Variants in CYB5R4 observed in about 807,000 individuals in gnomAD.
CYB5R4 encodes cytochrome b5 reductase 4, also known as N-terminal cytochrome b5 and cytochrome b5 oxidoreductase domain-containing protein.
Under a neutral mutation model 70.2 loss-of-function variants are expected in CYB5R4, and 55 were observed. That is an observed-to-expected ratio of 0.78 (90% confidence interval 0.63 to 0.98). The LOEUF is 0.98. Ranked by LOEUF, CYB5R4 falls within the 50% of genes least tolerant of loss-of-function variation. CYB5R4 has a pLI of 0.00. For missense variants in CYB5R4, 562 were observed against 612.6 expected (o/e 0.92, Z 0.87); for synonymous variants, 197 against 199.5 (o/e 0.99, Z 0.11).
intron 3 of CYB5R4, among the ~76,000 whole-genome samples, chr6:83,906,102 G>A (rs967045434): frequency 2.0e-5 from 3 of 152,172 alleles, no homozygotes; most frequent in Non-Finnish European, 4.4e-5. Flanking sequence ...GAATGCTCAG[G>A]TGGAGGGAGA....
At chr6:83,893,967 C>T (rs1035955191) in intron 3 of CYB5R4, among the ~76,000 whole-genome samples, 8 of 152,188 alleles carry the variant, frequency 5.3e-5, no homozygotes, top group African/African-American at 1.9e-4. Context: ...CCGCTGCTAA[C>T]TTGCTGAATC....
Position 83,884,632 on chromosome 6 carries a change from TTA to T in CYB5R4, c.230-8889_230-8888del, listed in dbSNP as rs1201955082. Reference sequence around the variant, plus strand: ...GTAATTACAATAATGTGCAATTTCATTACTGAACACAAGATGGCAAAGTAGTC... The same window carrying T: ...GTAATTACAATAATGTGCAATTTCATCTGAACACAAGATGGCAAAGTAGTC... On this transcript the variant is annotated intron_variant, in intron 2 of 15. Transcript: ENST00000369681. 2.0e-5 allele frequency among the ~76,000 whole-genome samples: 3 copies of T among 152,130 alleles called. No homozygotes were observed. In the East Asian group the frequency reaches 5.8e-4, roughly 29 times the overall value.
chr6:83,891,964 A>G (rs144291300), intron 2 of CYB5R4, among the ~76,000 whole-genome samples: 3 of 152,308 alleles, frequency 2.0e-5, no homozygotes, highest in East Asian at 1.9e-4. Flanking sequence ...TTGATTGTAG[A>G]GAAAGTTTGG....
At chr6:83,896,482 C>T (rs1009910700) in intron 3 of CYB5R4, among the ~76,000 whole-genome samples, 7 of 152,142 alleles carry the variant, frequency 4.6e-5, no homozygotes, top group Admixed American at 3.9e-4. Flanking sequence ...TCAATGAGAT[C>T]AAATTTTGTA....
At chr6:83,952,669 T>A (rs536665718) in intron 14 of CYB5R4, among the ~76,000 whole-genome samples, 167 of 152,306 alleles carry the variant, frequency 1.1e-3, no homozygotes, top group African/African-American at 3.7e-3. Flanking sequence ...GGAATCTTAA[T>A]AGTTATCATT....
intron 5 of CYB5R4, among the ~76,000 whole-genome samples, chr6:83,917,006 A>G (rs1425831664): frequency 6.6e-6 from 1 of 152,166 alleles, no homozygotes; most frequent in Non-Finnish European, 1.5e-5. Context: ...TTTCCAAACT[A>G]AATCTTACCA....
intron 6 of CYB5R4, among the ~76,000 whole-genome samples, chr6:83,918,787 A>G (rs990053746): frequency 1.6e-4 from 24 of 152,040 alleles, no homozygotes; most frequent in Admixed American, 4.6e-4. Context: ...CCACCAGTCT[A>G]TATTATTCTA....
intron 4 of CYB5R4, 79 bp downstream of exon 4, chr6:83,909,169 G>T: frequency 8.6e-7 from 1 of 1,160,864 alleles, no homozygotes; most frequent in South Asian, 1.3e-5. Context: ...AAACAACTAG[G>T]TCTATACAAA....
intron 1 of CYB5R4, among the ~76,000 whole-genome samples, chr6:83,860,428 C>G (rs150588707): frequency 2.6e-5 from 4 of 152,270 alleles, no homozygotes; most frequent in Non-Finnish European, 4.4e-5. Context: ...ATTGCCTTTT[C>G]TACTAGTATC....
intron 3 of CYB5R4, among the ~76,000 whole-genome samples, chr6:83,904,207 T>C (rs2099463415): frequency 6.6e-6 from 1 of 152,174 alleles, no homozygotes; most frequent in South Asian, 2.1e-4. Context: ...GATACTGCTT[T>C]TGCTATTCCA....
At chr6:83,949,971 G>A (rs533193845) in intron 14 of CYB5R4, among the ~76,000 whole-genome samples, 60 of 152,208 alleles carry the variant, frequency 3.9e-4, no homozygotes, top group Non-Finnish European at 6.8e-4. Context: ...CGTAAAATAT[G>A]TGTAACATCT....
intron 2 of CYB5R4, among the ~76,000 whole-genome samples, chr6:83,888,045 T>C (rs972014321): frequency 1.3e-5 from 2 of 152,214 alleles, no homozygotes; most frequent in African/African-American, 4.8e-5. Flanking sequence ...AATAGCCTAG[T>C]ATCAATTTGA....
At chr6:83,886,582 T>C (rs549845081) in intron 2 of CYB5R4, among the ~76,000 whole-genome samples, 1 of 152,264 alleles carries the variant, frequency 6.6e-6, no homozygotes, top group East Asian at 1.9e-4. Flanking sequence ...AATATGCAAA[T>C]CTATAGAGAC....
At chr6:83,882,925 G>A (rs1285638183) in intron 2 of CYB5R4, among the ~76,000 whole-genome samples, 1 of 152,142 alleles carries the variant, frequency 6.6e-6, no homozygotes, top group Non-Finnish European at 1.5e-5. Flanking sequence ...AGTGAGCCGA[G>A]ATTGCACCAC....
intron 9 of CYB5R4, among the ~76,000 whole-genome samples, chr6:83,924,055 G>A (rs1489924665): frequency 1.4e-4 from 15 of 107,960 alleles, no homozygotes; most frequent in Non-Finnish European, 2.2e-4. Flanking sequence ...GGGTGACAGA[G>A]CAAGACTCCG....
In CYB5R4 at chr6:83,936,116, A is replaced by G. The variant is rs2129142447; in HGVS notation, c.956-108A>G. 3 of 685,190 alleles carry G rather than the reference A, an allele frequency of 4.4e-6. No homozygotes were observed. The South Asian group carries it at 6.7e-5, about 15-fold the overall frequency. The allele number at this position is 685,190 out of a possible 1,614,324, so 42.4% of individuals were successfully genotyped here. A position where few individuals can be genotyped will look rare whatever the true frequency, so the allele number is the denominator to read the frequency against. Reference sequence around the variant, plus strand: ...AATTAGAATTATATGCCCATTAGGTATATAGTTTTAAATATATACTGATAG... The same window carrying G: ...AATTAGAATTATATGCCCATTAGGTGTATAGTTTTAAATATATACTGATAG... On this transcript the variant is annotated intron_variant, in intron 11 of 15. Transcript: ENST00000369681.
rs754325270 is a variant in CYB5R4, at chr6:83,914,454, T to A, written c.445+6T>A. ...GGAAAAGAAAGTCTTAAATGGTAAG[T>A]CTATAAATTTATAATAAATGAATCA... On this transcript the variant is annotated splice_donor_region_variant and intron_variant, in intron 5 of 15. Coordinates refer to ENST00000369681, the MANE Select transcript of CYB5R4 (RefSeq NM_016230.4). The A allele has an allele frequency of 6.6e-7, 1 of 1,509,932 alleles. No individual in the cohort carries two copies. The highest frequency in any genetic ancestry group is 9.0e-7 in the Non-Finnish European group (1 of 1,108,216). 93.5% of individuals were successfully genotyped at this position (1,509,932 alleles called of 1,614,324 possible).
chr6:83,859,709 C>G lies in CYB5R4; in HGVS notation c.-74C>G. 6.5e-7 allele frequency: 1 copy of G among 1,538,502 alleles called. No individual in the cohort carries two copies. The highest frequency in any genetic ancestry group is 1.1e-5 in the South Asian group (1 of 87,458). ...GTCGGGGGCTTGGCCTCTGCCCGGC[C>G]ACAGAGCCGGAGCTGGAGGTGCTGT... On this transcript the variant is annotated 5_prime_UTR_variant, in exon 1 of 16. Coordinates refer to ENST00000369681, the MANE Select transcript of CYB5R4 (RefSeq NM_016230.4).
At chr6:83,910,214 G>T (rs1451350038) in intron 4 of CYB5R4, 1 of 1,373,334 alleles carries the variant, frequency 7.3e-7, no homozygotes, top group Non-Finnish European at 1.0e-6. Context: ...CTGCCAGTTG[G>T]AAGTTCAACT....
Sources: allele counts gnomAD v4.1 joint callset (sites outside exome capture counted in the v4.1 genomes callset), GRCh38; gene constraint gnomAD v4.1.1; transcripts MANE v1.5; gene names NCBI Gene and HGNC (gene_info 2026-07-23, HGNC 2026-07-21).